Variants in NCOR2 observed in about 807,000 individuals in gnomAD.
NCOR2 encodes CTG repeat protein 26.
Under a neutral mutation model 262.9 loss-of-function variants are expected in NCOR2, and 81 were observed. The observed-to-expected ratio is 0.31, with a 90% CI of 0.26 to 0.37. The LOEUF (loss-of-function observed/expected upper bound fraction) is 0.37, where lower values mean the gene tolerates loss of function less well. NCOR2 is among the 10% of genes least tolerant of loss of function. The probability of loss-of-function intolerance (pLI) is 1.00; values close to 1 mark genes in which losing one functional copy is unlikely to be tolerated. For missense variants in NCOR2, 3,385 were observed against 3,621.4 expected, an observed-to-expected ratio of 0.93 and a Z score of 1.68; for synonymous variants, 1,659 against 1,559.3, an observed-to-expected ratio of 1.06 and a Z score of -1.51.
intron 12 of NCOR2, 74 bp downstream of exon 14, chr12:124,422,427 G>A (rs2043261734): frequency 5.7e-6 from 9 of 1,574,662 alleles, no homozygotes; most frequent in Non-Finnish European, 7.8e-6. Context: ...AAGGAGGGAG[G>A]GCCTCCACCC....
In NCOR2 at chr12:124,517,919, G is replaced by T. The variant is rs2049921244; in HGVS notation, c.-118+17646C>A. ...GGGGAGGGTCCAGCTGCCCCCATTG[G>T]CTGACCTGCGGCCGGCCACTCAGCC... is the stretch of plus-strand genomic sequence containing the variant. On this transcript the variant is annotated intron_variant, in intron 1 of 46. Transcript: ENST00000404621. This position sits in a 1 kb window ranked among gnomAD's most constrained non-coding sequence, Gnocchi z 7.6. Among the ~76,000 whole-genome samples, 1 of 152,160 alleles carries T rather than the reference G, an allele frequency of 6.6e-6. No individual in the cohort carries two copies. The highest frequency in any genetic ancestry group is 2.4e-5 in the African/African-American group (1 of 41,440).
intron 7 of NCOR2, among the ~76,000 whole-genome samples, chr12:124,438,249 C>T (rs368695807): frequency 6.6e-6 from 1 of 152,146 alleles, no homozygotes; most frequent in Admixed American, 6.5e-5. Flanking sequence ...TTCCCAGAGC[C>T]GAGGGGCCTG....
chr12:124,348,627 G>A (rs1414691064), intron 28 of NCOR2: 15 of 425,750 alleles, frequency 3.5e-5, no homozygotes, highest in Admixed American at 1.6e-4. Flanking sequence ...ACATGAGCAC[G>A]TGAGTCTGTG....
chr12:124,364,026 A>G (rs1794957), intron 20 of NCOR2, among the ~76,000 whole-genome samples: 122,864 of 152,120 alleles, frequency 0.81, 50,420 homozygotes, highest in East Asian at 0.97. Flanking sequence ...TGGGCGGGCA[A>G]GTGCCTCCTC....
At chr12:124,418,411 C>T (rs1210252758) in intron 13 of NCOR2, among the ~76,000 whole-genome samples, 1 of 152,210 alleles carries the variant, frequency 6.6e-6, no homozygotes, top group African/African-American at 2.4e-5. Flanking sequence ...GACCCCGCCC[C>T]CAACCCGTGA....
intron 17 of NCOR2, among the ~76,000 whole-genome samples, chr12:124,379,203 T>A (rs1395196316): frequency 6.6e-6 from 1 of 152,028 alleles, no homozygotes; most frequent in African/African-American, 2.4e-5. Context: ...ATGCCGGGTG[T>A]GTCCAGGAAT....
chr12:124,442,887 C>T (rs1484983462), intron 7 of NCOR2, among the ~76,000 whole-genome samples: 1 of 152,142 alleles, frequency 6.6e-6, no homozygotes, highest in Non-Finnish European at 1.5e-5. Context: ...CAGACACACA[C>T]GGAGGGGAGA....
At chr12:124,519,801 G>A (rs1295238907) in intron 1 of NCOR2, among the ~76,000 whole-genome samples, 1 of 152,174 alleles carries the variant, frequency 6.6e-6, no homozygotes, top group Non-Finnish European at 1.5e-5. Flanking sequence ...TCACCAGCTG[G>A]CCTCACACCA....
At chr12:124,559,634 T>C (rs1171205907) in intron 1 of NCOR2, among the ~76,000 whole-genome samples, 1 of 152,032 alleles carries the variant, frequency 6.6e-6, no homozygotes, top group Admixed American at 6.5e-5. Context: ...CCTCAAGAAC[T>C]GAGACAACTC....
intron 1 of NCOR2, among the ~76,000 whole-genome samples, chr12:124,543,806 C>T (rs1263623254): frequency 2.0e-5 from 3 of 152,202 alleles, no homozygotes; most frequent in Non-Finnish European, 2.9e-5. Flanking sequence ...AGGCCCCACG[C>T]GGCAGCACGG....
chr12:124,506,686 C>T (rs146327342), intron 1 of NCOR2, among the ~76,000 whole-genome samples: 3 of 152,246 alleles, frequency 2.0e-5, no homozygotes, highest in South Asian at 4.1e-4. Flanking sequence ...CCAGGAGGGA[C>T]GTGTTTTCCA....
chr12:124,516,765 A>G (rs1252101114), intron 1 of NCOR2, among the ~76,000 whole-genome samples: 1 of 151,438 alleles, frequency 6.6e-6, no homozygotes, highest in Non-Finnish European at 1.5e-5. Flanking sequence ...CATAAATACC[A>G]TCGCCCTGAG....
In NCOR2 at chr12:124,566,046, C is replaced by A. The variant is rs763240221; in HGVS notation, c.-165+1262G>T. On this transcript the variant is annotated intron_variant, in intron 1 of 32. Transcript: ENST00000458234. The surrounding 1 kb of genome is among the most constrained non-coding windows in gnomAD (Gnocchi z 4.3). The stretch of plus-strand genomic sequence containing the variant: ...AGATCTGGCTGAAAAGGGGCAAAGT[C>A]AAGGCCACCGGTAACACATCCCAAC... Among the ~76,000 whole-genome samples, 1 of 152,198 alleles carries A rather than the reference C, an allele frequency of 6.6e-6. No individual in the cohort carries two copies.
intron 7 of NCOR2, among the ~76,000 whole-genome samples, chr12:124,439,282 G>T (rs2014902521): frequency 8.8e-6 from 1 of 113,984 alleles, no homozygotes; most frequent in African/African-American, 3.0e-5. Flanking sequence ...GAGACAGAGG[G>T]AGAGAGAGAC....
chr12:124,344,701 C>T lies in NCOR2; in HGVS notation c.4610G>A (p.Arg1537Gln), dbSNP rs1393615399. The stretch of plus-strand genomic sequence containing the variant: ...GTCCTCATAGGTCAGGGGGCTCTGC[C>T]GCGGCTTACCCAGCTCAGGCACAAT... Residue 1537 changes from arginine to glutamine, a missense_variant, in exon 32 of 47, where the codon CGG becomes CAG. Physicochemically the swap from Arg to Gln is conservative, Grantham distance 43. Transcript: ENST00000405201. 11 of 1,531,826 alleles carry T rather than the reference C, an allele frequency of 7.2e-6. No individual in the cohort carries two copies. Among genetic ancestry groups the T allele is most frequent in the African/African-American group, 4.1e-5 (3 of 72,618 alleles). The allele number at this position is 1,531,826 out of a possible 1,614,324, so 94.9% of individuals were successfully genotyped here.
chr12:124,485,416 GAGGAACGCCTGT>G (rs2047720198), intron 2 of NCOR2, among the ~76,000 whole-genome samples: 1 of 152,254 alleles, frequency 6.6e-6, no homozygotes, highest in Non-Finnish European at 1.5e-5. Flanking sequence ...AGCCACAGCT[GAGGAACGCCTGT>G]AGCCCCCAGA....
chr12:124,467,060 C>T (rs1212047024), intron 4 of NCOR2, among the ~76,000 whole-genome samples: 1 of 132,680 alleles, frequency 7.5e-6, no homozygotes, highest in Non-Finnish European at 1.6e-5. Context: ...TGATCCTCAT[C>T]CTCATCACCC....
chr12:124,439,030 G>C (rs1380253534), intron 7 of NCOR2, among the ~76,000 whole-genome samples: 1 of 144,464 alleles, frequency 6.9e-6, no homozygotes, highest in Admixed American at 6.8e-5. Flanking sequence ...GAGACCCAGA[G>C]AGAGAGAGAT....
At chr12:124,354,529 G>A in exon 26 of NCOR2, 3 of 1,595,294 alleles carry the variant, frequency 1.9e-6, no homozygotes, top group Non-Finnish European at 1.7e-6. Context: ...CTCTCCGGTG[G>A]CCCAGCCTGG....
Sources: allele counts gnomAD v4.1 joint callset (sites outside exome capture counted in the v4.1 genomes callset), GRCh38; gene constraint gnomAD v4.1.1; non-coding constraint Gnocchi (gnomAD v3.1); transcripts MANE v1.5; gene names NCBI Gene and HGNC (gene_info 2026-07-23, HGNC 2026-07-21).